MEOX2: variants seen among roughly 807,000 people sequenced by gnomAD.
The protein encoded by MEOX2 is mesenchyme homeobox 2, also known as homeobox protein MOX-2.
A neutral mutation model predicts 27.0 loss-of-function variants in MEOX2; 11 were observed. The observed-to-expected ratio is 0.41, with a 90% CI of 0.26 to 0.68. The LOEUF is 0.68. Ranked by LOEUF, MEOX2 falls within the 30% of genes least tolerant of loss-of-function variation. The probability of loss-of-function intolerance (pLI) is 0.33; values close to 1 mark genes in which losing one functional copy is unlikely to be tolerated. For synonymous variants in MEOX2, 189 were observed against 155.4 expected (o/e 1.22, Z -1.61); for missense variants, 436 against 385.4 (o/e 1.13, Z -1.10).
intron 1 of MEOX2, chr7:15,681,624 AC>A (rs1782292835): frequency 6.6e-6 from 1 of 151,818 alleles, no homozygotes; most frequent in Non-Finnish European, 1.5e-5. Flanking sequence ...AAATATTACA[AC>A]TTAAATTCCA....
intron 1 of MEOX2, chr7:15,676,273 T>TCAC (rs1166127695): frequency 6.6e-6 from 1 of 152,218 alleles, no homozygotes; most frequent in Non-Finnish European, 1.5e-5. Context: ...AGAAATTATA[T>TCAC]CACCAAAATA....
chr7:15,673,262 A>G (rs757653259), intron 1 of MEOX2, among the ~76,000 whole-genome samples: 1 of 152,222 alleles, frequency 6.6e-6, no homozygotes, highest in Non-Finnish European at 1.5e-5. Context: ...GGGGAAATGT[A>G]AGTGTAGTCT....
At chr7:15,649,225 G>T (rs1305699233) in intron 1 of MEOX2, among the ~76,000 whole-genome samples, 3 of 151,980 alleles carry the variant, frequency 2.0e-5, no homozygotes, top group African/African-American at 7.2e-5. Context: ...AGTATTTATT[G>T]AATGCTTACA....
intron 1 of MEOX2, among the ~76,000 whole-genome samples, chr7:15,645,053 A>G (rs1238462420): frequency 6.6e-6 from 1 of 152,234 alleles, no homozygotes; most frequent in Non-Finnish European, 1.5e-5. Flanking sequence ...ATAACCTAAT[A>G]AAGAAAGAAG....
At chr7:15,617,223 G>T (rs1781138109) in intron 2 of MEOX2, among the ~76,000 whole-genome samples, 1 of 151,986 alleles carries the variant, frequency 6.6e-6, no homozygotes, top group Non-Finnish European at 1.5e-5. Context: ...CTAAACATCT[G>T]GGATTTGTAG....
chr7:15,673,932 A>T (rs1583789961), intron 1 of MEOX2, among the ~76,000 whole-genome samples: 1 of 152,148 alleles, frequency 6.6e-6, no homozygotes, highest in Non-Finnish European at 1.5e-5. Flanking sequence ...CTAAGTGAAA[A>T]GTTCACTTTG....
At chr7:15,653,320 T>C (rs1035062921) in intron 1 of MEOX2, among the ~76,000 whole-genome samples, 2 of 152,040 alleles carry the variant, frequency 1.3e-5, no homozygotes, top group Non-Finnish European at 2.9e-5. Context: ...TGGCCCACTT[T>C]CGTATTTGAT....
At chr7:15,625,157 C>T (rs764986890) in intron 2 of MEOX2, among the ~76,000 whole-genome samples, 5 of 152,120 alleles carry the variant, frequency 3.3e-5, no homozygotes, top group African/African-American at 7.2e-5. Flanking sequence ...ATATAAAACA[C>T]GGTTGCATTT....
chr7:15,625,536 G>GATAAAATAAC (rs2115359428), intron 2 of MEOX2, among the ~76,000 whole-genome samples: 1 of 152,260 alleles, frequency 6.6e-6, no homozygotes, highest in African/African-American at 2.4e-5. Context: ...TAAGAAATTG[G>GATAAAATAAC]ATAAAATAAC....
intron 1 of MEOX2, among the ~76,000 whole-genome samples, chr7:15,671,584 G>A (rs964701149): frequency 2.6e-5 from 4 of 152,022 alleles, no homozygotes; most frequent in African/African-American, 9.7e-5. Flanking sequence ...TTCCTTACAA[G>A]CCAGGCCACA....
chr7:15,667,044 C>T (rs1782019123), intron 1 of MEOX2, among the ~76,000 whole-genome samples: 1 of 150,716 alleles, frequency 6.6e-6, no homozygotes, highest in Non-Finnish European at 1.5e-5. Context: ...GTAATCCCAG[C>T]ACTTTGGGAA....
At chr7:15,653,431 C>A (rs1292029077) in intron 1 of MEOX2, among the ~76,000 whole-genome samples, 2 of 151,898 alleles carry the variant, frequency 1.3e-5, no homozygotes, top group African/African-American at 4.8e-5. Flanking sequence ...TGCAGCTGGT[C>A]TTTTCATCCT....
intron 1 of MEOX2, among the ~76,000 whole-genome samples, chr7:15,684,971 G>T (rs1782353604): frequency 6.6e-6 from 1 of 152,248 alleles, no homozygotes; most frequent in Non-Finnish European, 1.5e-5. Context: ...AGGTCAGGAA[G>T]GTTCCCCTTT....
chr7:15,655,969 T>C (rs1781813252), intron 1 of MEOX2, among the ~76,000 whole-genome samples: 1 of 151,818 alleles, frequency 6.6e-6, no homozygotes, highest in African/African-American at 2.4e-5. Flanking sequence ...ACTATAATAA[T>C]GGGCTTATCA....
At chr7:15,665,040 ATC>A (rs1781978669) in intron 1 of MEOX2, among the ~76,000 whole-genome samples, 1 of 117,750 alleles carries the variant, frequency 8.5e-6, no homozygotes. Context: ...TTAAGTGGAC[ATC>A]ACACACACAC....
At chr7:15,649,801 C>T (rs1781708781) in intron 1 of MEOX2, among the ~76,000 whole-genome samples, 1 of 152,058 alleles carries the variant, frequency 6.6e-6, no homozygotes, top group Non-Finnish European at 1.5e-5. Flanking sequence ...GCAATGGTAT[C>T]ATGGGGCTGA....
chr7:15,666,922 C>G (rs997936444), intron 1 of MEOX2, among the ~76,000 whole-genome samples: 3 of 150,338 alleles, frequency 2.0e-5, no homozygotes, highest in Non-Finnish European at 4.4e-5. Flanking sequence ...TTGACAAGGT[C>G]CCTTATGTTT....
At chr7:15,632,891 A>G (rs962290160) in intron 1 of MEOX2, among the ~76,000 whole-genome samples, 3 of 151,932 alleles carry the variant, frequency 2.0e-5, no homozygotes, top group South Asian at 2.1e-4. Flanking sequence ...CCAACAAAAC[A>G]AGGCACTTGT....
chr7:15,626,471 T>A lies in MEOX2; in HGVS notation c.690+275A>T, dbSNP rs1290551759. ...AACTCCTCACTGTATGCCATCATTA[T>A]GTAAAAGAAATAATATTTTAAAACC... On this transcript the variant is annotated intron_variant, in intron 2 of 2. Transcript: ENST00000262041. Among the ~76,000 whole-genome samples the A allele has an allele frequency of 2.0e-5, 3 of 152,060 alleles. No homozygotes were observed. In the South Asian group the frequency reaches 6.2e-4, roughly 32 times the overall value.
Sources: allele counts gnomAD v4.1 joint callset (sites outside exome capture counted in the v4.1 genomes callset), GRCh38; gene constraint gnomAD v4.1.1; transcripts MANE v1.5; gene names NCBI Gene and HGNC (gene_info 2026-07-23, HGNC 2026-07-21).